Variants in GABRG3 observed in about 807,000 individuals in gnomAD.
The protein encoded by GABRG3 is gamma-aminobutyric acid type A receptor subunit gamma3.
In GABRG3, 25 loss-of-function variants were observed where a neutral mutation model predicts 48.8. The ratio of observed to expected loss-of-function variants is 0.51; its 90% CI spans 0.37 to 0.72. GABRG3 has a LOEUF of 0.72. GABRG3 is among the 30% of genes least tolerant of loss of function. The pLI is 0.00. For synonymous variants in GABRG3, 227 were observed against 217.6 expected (o/e 1.04, Z -0.38); for missense variants, 394 against 577.9 (o/e 0.68, Z 3.26).
intron 3 of GABRG3, among the ~76,000 whole-genome samples, chr15:27,139,096 G>C (rs208171): frequency 0.24 from 36,640 of 151,994 alleles, 5,712 homozygotes; most frequent in Non-Finnish European, 0.35. Context: ...ATGAGAACTG[G>C]TTCACAGGAT....
chr15:27,164,502 T>G (rs1443883617), intron 3 of GABRG3, among the ~76,000 whole-genome samples: 1 of 152,192 alleles, frequency 6.6e-6, no homozygotes, highest in Non-Finnish European at 1.5e-5. Flanking sequence ...GAAAGATCTT[T>G]CATAGCTTTG....
chr15:27,063,428 A>T (rs553389682), intron 3 of GABRG3, among the ~76,000 whole-genome samples: 1 of 152,188 alleles, frequency 6.6e-6, no homozygotes, highest in Non-Finnish European at 1.5e-5. Context: ...TCCCTCACGA[A>T]CGGCTTGGGC....
At chr15:27,385,661 C>T (rs1443426448) in intron 5 of GABRG3, among the ~76,000 whole-genome samples, 2 of 152,054 alleles carry the variant, frequency 1.3e-5, no homozygotes, top group African/African-American at 2.4e-5. Flanking sequence ...CTGTTGAGTT[C>T]CTCCAGTAAA....
intron 3 of GABRG3, among the ~76,000 whole-genome samples, chr15:27,124,434 T>G (rs546488382): frequency 3.9e-4 from 60 of 152,102 alleles, no homozygotes; most frequent in Non-Finnish European, 7.2e-4. Flanking sequence ...AAACCACCTC[T>G]CCTCCTAGCA....
chr15:27,491,599 A>C (rs901995982), intron 6 of GABRG3, among the ~76,000 whole-genome samples: 2 of 152,176 alleles, frequency 1.3e-5, no homozygotes, highest in African/African-American at 4.8e-5. Flanking sequence ...ACATCTGCTG[A>C]TTGGCCGTAA....
At chr15:27,138,382 C>T (rs950269887) in intron 3 of GABRG3, among the ~76,000 whole-genome samples, 1 of 152,138 alleles carries the variant, frequency 6.6e-6, no homozygotes, top group Admixed American at 6.5e-5. Flanking sequence ...TAATATATAG[C>T]CCAAGTGTAA....
intron 5 of GABRG3, among the ~76,000 whole-genome samples, chr15:27,463,570 A>G (rs1889513163): frequency 6.6e-6 from 1 of 152,168 alleles, no homozygotes; most frequent in Admixed American, 6.5e-5. Flanking sequence ...ACAATTTGCA[A>G]AAGTGAGATA....
chr15:27,510,431 C>T (rs1890869288), intron 6 of GABRG3, among the ~76,000 whole-genome samples: 1 of 152,148 alleles, frequency 6.6e-6, no homozygotes, highest in Non-Finnish European at 1.5e-5. Context: ...CCCTGTTGCA[C>T]CAGTTTTTGT....
intron 3 of GABRG3, among the ~76,000 whole-genome samples, chr15:27,093,757 A>G (rs1181817487): frequency 6.6e-6 from 1 of 152,184 alleles, no homozygotes; most frequent in African/African-American, 2.4e-5. Flanking sequence ...AGAGTGACAT[A>G]AAGAGCCCTA....
At chr15:27,140,664 T>C (rs139357468) in intron 3 of GABRG3, among the ~76,000 whole-genome samples, 150 of 152,310 alleles carry the variant, frequency 9.8e-4, no homozygotes, top group African/African-American at 2.7e-3. Context: ...TAATATTTCT[T>C]ATTATATACA....
intron 2 of GABRG3, among the ~76,000 whole-genome samples, chr15:27,020,814 T>C (rs1895880660): frequency 6.6e-6 from 1 of 152,218 alleles, no homozygotes; most frequent in Non-Finnish European, 1.5e-5. Flanking sequence ...ATGGAGGTGA[T>C]ATAATTTTTG....
rs1566770949 is a variant in GABRG3, at chr15:27,307,351, G to GTTTATATATAACCATATAGGTTTATATA, written c.271-19418_271-19391dup. 1.7e-5 allele frequency among the ~76,000 whole-genome samples: 2 copies of GTTTATATATAACCATATAGGTTTATATA among 120,266 alleles called. 1 individual carries two copies. The highest frequency in any genetic ancestry group is 5.2e-4 in the East Asian group (2 of 3,874). The allele number at this position is 120,266 out of a possible 152,430, so 78.9% of individuals were successfully genotyped here. On this transcript the variant is annotated intron_variant, in intron 3 of 9. Coordinates refer to ENST00000615808, the MANE Select transcript of GABRG3 (RefSeq NM_033223.5). Reference sequence around the variant, plus strand: ...TATATATAACCATAGGTTTATATATGTTTATATATAACCATATAGGTTTAT... The same window carrying GTTTATATATAACCATATAGGTTTATATA: ...TATATATAACCATAGGTTTATATATGTTTATATATAACCATATAGGTTTATATATTTATATATAACCATATAGGTTTAT...
At chr15:27,143,930 T>C (rs1898151467) in intron 3 of GABRG3, among the ~76,000 whole-genome samples, 1 of 152,130 alleles carries the variant, frequency 6.6e-6, no homozygotes, top group Non-Finnish European at 1.5e-5. Flanking sequence ...AAACGGGAAA[T>C]TTATTTCTCA....
intron 5 of GABRG3, among the ~76,000 whole-genome samples, chr15:27,423,244 A>T (rs1205195297): frequency 2.0e-5 from 2 of 97,650 alleles, no homozygotes; most frequent in African/African-American, 1.1e-4. Context: ...CATTATGATA[A>T]AAAAAAAAAA....
At chr15:26,994,339 T>A (rs774772311) in intron 2 of GABRG3, among the ~76,000 whole-genome samples, 2 of 152,002 alleles carry the variant, frequency 1.3e-5, no homozygotes, top group Non-Finnish European at 2.9e-5. Flanking sequence ...TTAATTTCTT[T>A]CTATTCTTTG....
chr15:27,346,788 T>C (rs1595693353), intron 5 of GABRG3, among the ~76,000 whole-genome samples: 1 of 139,644 alleles, frequency 7.2e-6, no homozygotes, highest in Non-Finnish European at 1.5e-5. Flanking sequence ...ATCATTTCCT[T>C]CTTCTTGTTT....
intron 3 of GABRG3, among the ~76,000 whole-genome samples, chr15:27,248,801 C>CAGAGAGAG (rs1282566859): frequency 2.5e-5 from 3 of 120,530 alleles, no homozygotes; most frequent in African/African-American, 1.1e-4. Context: ...CACACACACA[C>CAGAGAGAG]ACAGAGAGAG....
At chr15:27,469,046 A>AT (rs1209694333) in intron 5 of GABRG3, among the ~76,000 whole-genome samples, 1 of 152,192 alleles carries the variant, frequency 6.6e-6, no homozygotes, top group Non-Finnish European at 1.5e-5. Context: ...ACAGCAGTAG[A>AT]TTCAGCACTA....
intron 2 of GABRG3, among the ~76,000 whole-genome samples, chr15:27,012,218 G>GA (rs1216045902): frequency 6.6e-6 from 1 of 151,992 alleles, no homozygotes; most frequent in Non-Finnish European, 1.5e-5. Flanking sequence ...TTCAGTACTT[G>GA]AAAAAATCTC....
Sources: gnomAD v4.1 joint callset for allele counts (sites outside exome capture counted in the v4.1 genomes callset) on GRCh38, gnomAD v4.1.1 for gene constraint, MANE v1.5 for transcripts, NCBI Gene and HGNC (gene_info 2026-07-23, HGNC 2026-07-21) for gene names.